Variants in SORL1 observed in about 807,000 individuals in gnomAD.
The protein encoded by SORL1 is sortilin-related receptor.
A neutral mutation model predicts 273.7 loss-of-function variants in SORL1; 127 were observed. That is an observed-to-expected ratio of 0.46 (90% CI 0.40 to 0.54). The LOEUF (loss-of-function observed/expected upper bound fraction) is 0.54, where lower values mean the gene tolerates loss of function less well. Ranked by LOEUF, SORL1 falls within the 20% of genes least tolerant of loss-of-function variation. The pLI is 0.00. For missense variants in SORL1, 2,494 were observed against 2,846.1 expected (o/e 0.88, Z 2.81); for synonymous variants, 1,031 against 1,067.4 (o/e 0.97, Z 0.66).
At position 121,452,701 on chromosome 11, in the gene SORL1, T is replaced by A. The variant is rs1860824280; in HGVS notation, c.285+85T>A. ...CCCGCATCCATCCGTTGCAGTCGCC[T>A]CCTAGGTGCAGGCACCACTGGGGAC... On this transcript the variant is annotated intron_variant, in intron 1 of 47. Coordinates refer to ENST00000260197, the MANE Select transcript of SORL1 (RefSeq NM_003105.6). The surrounding 1 kb of genome is among the most constrained non-coding windows in gnomAD (Gnocchi z 5.3). 5 of 1,261,494 alleles carry A rather than the reference T, an allele frequency of 4.0e-6. 1 individual carries two copies. The South Asian group carries it at 9.2e-5, about 23-fold the overall frequency. 78.1% of individuals were successfully genotyped at this position (1,261,494 alleles called of 1,614,324 possible).
Position 121,452,644 on chromosome 11 carries a change from C to A in SORL1, c.285+28C>A, listed in dbSNP as rs1446148475. 1 of 1,424,328 alleles carries A rather than the reference C, an allele frequency of 7.0e-7. No homozygotes were observed. Among genetic ancestry groups the A allele is most frequent in the Non-Finnish European group, 9.2e-7 (1 of 1,091,362 alleles). 88.2% of individuals were successfully genotyped at this position (1,424,328 alleles called of 1,614,324 possible). Reference sequence around the variant, plus strand: ...GAGCAGTTTTGCAACCCGCCTCCCTCCAGTTTTTTCCTCTCCCTGCACTTC... The same window carrying A: ...GAGCAGTTTTGCAACCCGCCTCCCTACAGTTTTTTCCTCTCCCTGCACTTC... On this transcript the variant is annotated intron_variant, in intron 1 of 47. Coordinates refer to ENST00000260197, the MANE Select transcript of SORL1 (RefSeq NM_003105.6). The surrounding 1 kb of genome is among the most constrained non-coding windows in gnomAD (Gnocchi z 5.3).
At chr11:121,589,204 T>G in intron 28 of SORL1, 55 bp from the exon 29 acceptor site, 2 of 1,603,446 alleles carry the variant, frequency 1.2e-6, no homozygotes, top group Admixed American at 3.3e-5. Flanking sequence ...CACTGCTGCT[T>G]CGACCCCTCA....
chr11:121,531,763 C>T (rs542273170), intron 11 of SORL1, among the ~76,000 whole-genome samples: 1 of 152,300 alleles, frequency 6.6e-6, no homozygotes, highest in South Asian at 2.1e-4. Flanking sequence ...AGTTCATATA[C>T]AAAATTAGGG....
At chr11:121,580,873 G>A (rs1863004530) in intron 25 of SORL1, among the ~76,000 whole-genome samples, 1 of 151,404 alleles carries the variant, frequency 6.6e-6, no homozygotes, top group Admixed American at 6.6e-5. Flanking sequence ...TCAAAGTGCT[G>A]GGATTACAGG....
chr11:121,611,307 C>T, intron 39 of SORL1, 149 bp downstream of exon 39: 1 of 564,196 alleles, frequency 1.8e-6, no homozygotes, highest in Non-Finnish European at 3.2e-6. Flanking sequence ...AATACCAGGA[C>T]TAGGGTGGTT....
At chr11:121,604,425 A>G in intron 33 of SORL1, 101 bp downstream of exon 33, 1 of 1,407,896 alleles carries the variant, frequency 7.1e-7, no homozygotes, top group Non-Finnish European at 9.5e-7. Flanking sequence ...ACCCTTTTGA[A>G]CTGTTGCTCA....
At chr11:121,615,563 C>T (rs1164679668) in intron 41 of SORL1, among the ~76,000 whole-genome samples, 1 of 151,984 alleles carries the variant, frequency 6.6e-6, no homozygotes, top group East Asian at 1.9e-4. Context: ...TTGTAAGTTC[C>T]TTGAAGGGAA....
intron 32 of SORL1, among the ~76,000 whole-genome samples, chr11:121,599,594 C>T (rs753235696): frequency 3.3e-5 from 5 of 152,154 alleles, no homozygotes. Context: ...ATATTTTAAT[C>T]TCCTTGGTTA....
At chr11:121,612,911 T>TG in intron 40 of SORL1, 79 bp downstream of exon 40, 1 of 1,026,762 alleles carries the variant, frequency 9.7e-7, no homozygotes, top group Non-Finnish European at 1.5e-6. Context: ...AGAGCTTGAC[T>TG]GGGGGTGCCA....
intron 1 of SORL1, among the ~76,000 whole-genome samples, chr11:121,465,938 A>G (rs1861075632): frequency 6.7e-6 from 1 of 150,318 alleles, no homozygotes. Flanking sequence ...GGGGCATGGG[A>G]CCCCCCTAGG....
intron 31 of SORL1, among the ~76,000 whole-genome samples, chr11:121,591,758 C>T (rs968723743): frequency 3.3e-5 from 5 of 152,184 alleles, no homozygotes; most frequent in Non-Finnish European, 7.4e-5. Flanking sequence ...ACTTCAAACT[C>T]AGTTATAATA....
intron 12 of SORL1, among the ~76,000 whole-genome samples, chr11:121,543,006 T>C (rs1862369882): frequency 6.7e-6 from 1 of 149,910 alleles, no homozygotes; most frequent in Admixed American, 6.6e-5. Flanking sequence ...TGAAACCCCG[T>C]CTTTACTACA....
In SORL1 at chr11:121,563,276, A is replaced by G. The variant is rs1362430266; in HGVS notation, c.3049+3619A>G. On this transcript the variant is annotated intron_variant, in intron 21 of 47. Transcript: ENST00000260197. This position sits in a 1 kb window ranked among gnomAD's most constrained non-coding sequence, Gnocchi z 4.2. ...AGCAGTGCCCTGGTAGTATGACAGC[A>G]GTTCAGAAGTACTGTTCTAGATTTT... is the stretch of plus-strand genomic sequence containing the variant. Among the ~76,000 whole-genome samples, 1 of 152,238 alleles carries G rather than the reference A, an allele frequency of 6.6e-6. No homozygotes were observed. Among genetic ancestry groups the G allele is most frequent in the Non-Finnish European group, 1.5e-5 (1 of 68,032 alleles).
chr11:121,557,775 T>C (rs558174026), intron 19 of SORL1, among the ~76,000 whole-genome samples: 1 of 152,324 alleles, frequency 6.6e-6, no homozygotes, highest in East Asian at 1.9e-4. Flanking sequence ...TCCCCTGCCT[T>C]CCCAGCATGT....
In SORL1 at chr11:121,614,982, C is replaced by G. The variant is rs1389438004; in HGVS notation, c.5531C>G (p.Pro1844Arg). ...GTTATGACCAGAGGGGTTCGCCCAC[C>G]TGCACCTAGCCTCAAGGCCAAAGCC... is the stretch of plus-strand genomic sequence containing the variant. ...EHVMTRGVRPPAPSLKAKAIN... is the reference protein window; with the variant it reads ...EHVMTRGVRPRAPSLKAKAIN... Residue 1844 changes from proline (P) to arginine (R), a missense_variant, in exon 41 of 48, where the codon CCT (proline) becomes CGT (arginine). Coordinates refer to ENST00000260197, the MANE Select transcript of SORL1 (RefSeq NM_003105.6). 4.3e-6 allele frequency: 7 copies of G among 1,613,714 alleles called. No individual in the cohort carries two copies. Among genetic ancestry groups the G allele is most frequent in the Non-Finnish European group, 5.9e-6 (7 of 1,179,928 alleles).
chr11:121,460,588 A>G (rs1860982701), intron 1 of SORL1, among the ~76,000 whole-genome samples: 1 of 151,574 alleles, frequency 6.6e-6, no homozygotes, highest in East Asian at 1.9e-4. Context: ...AGTAGAGATG[A>G]GGTTTCACCA....
intron 21 of SORL1, among the ~76,000 whole-genome samples, chr11:121,559,980 T>C (rs1484429943): frequency 6.6e-6 from 1 of 152,180 alleles, no homozygotes; most frequent in East Asian, 1.9e-4. Context: ...TTAATCCCTG[T>C]TTGGCATGCT....
chr11:121,581,356 T>G (rs541977628), intron 25 of SORL1, among the ~76,000 whole-genome samples: 3 of 152,364 alleles, frequency 2.0e-5, no homozygotes, highest in Non-Finnish European at 4.4e-5. Context: ...TCAGGAAAGT[T>G]CTGCCTGAGT....
chr11:121,472,374 A>G (rs1356401652), intron 2 of SORL1, among the ~76,000 whole-genome samples: 1 of 152,242 alleles, frequency 6.6e-6, no homozygotes, highest in African/African-American at 2.4e-5. Context: ...GCATTGTTTT[A>G]TAGTTTTGCT....
Sources: allele counts gnomAD v4.1 joint callset (sites outside exome capture counted in the v4.1 genomes callset), GRCh38; gene constraint gnomAD v4.1.1; non-coding constraint Gnocchi (gnomAD v3.1); transcripts MANE v1.5; gene names NCBI Gene and HGNC (gene_info 2026-07-23, HGNC 2026-07-21).